The following PARD3 variants were observed in gnomAD, a reference collection of about 807,000 sequenced individuals.
PARD3 encodes the protein par-3 family cell polarity regulator.
Under a neutral mutation model 155.4 loss-of-function variants are expected in PARD3, and 75 were observed. The ratio of observed to expected loss-of-function variants is 0.48; its 90% confidence interval spans 0.40 to 0.58. The LOEUF (loss-of-function observed/expected upper bound fraction) is 0.58, where lower values mean the gene tolerates loss of function less well. PARD3 is among the 20% of genes least tolerant of loss of function. The pLI, the probability that PARD3 is intolerant of heterozygous loss-of-function variation, is 0.00. For synonymous variants in PARD3, 576 were observed against 610.5 expected (o/e 0.94, Z 0.83); for missense variants, 1,642 against 1,721.7 (o/e 0.95, Z 0.82).
chr10:34,454,220 A>G (rs979343637), intron 4 of PARD3, among the ~76,000 whole-genome samples: 15 of 152,110 alleles, frequency 9.9e-5, no homozygotes, highest in African/African-American at 3.4e-4. Flanking sequence ...AATCTAGTTC[A>G]CCGTCTACTG....
intron 3 of PARD3, among the ~76,000 whole-genome samples, chr10:34,499,519 C>T (rs1031347390): frequency 6.7e-6 from 1 of 149,932 alleles, no homozygotes; most frequent in African/African-American, 2.5e-5. Context: ...TTGCATCCAG[C>T]GGAAAATAGT....
intron 24 of PARD3, among the ~76,000 whole-genome samples, chr10:34,117,382 C>T (rs978630645): frequency 6.6e-5 from 10 of 152,134 alleles, no homozygotes; most frequent in Non-Finnish European, 7.4e-5. Context: ...TGGGCCAATT[C>T]GTCCACACTG....
intron 1 of PARD3, among the ~76,000 whole-genome samples, chr10:34,793,743 G>A (rs968612065): frequency 5.3e-5 from 8 of 150,612 alleles, no homozygotes; most frequent in East Asian, 2.0e-4. Flanking sequence ...CCAAGACTGC[G>A]CCATTGCCTG....
intron 2 of PARD3, among the ~76,000 whole-genome samples, chr10:34,616,188 A>G (rs1353736692): frequency 6.6e-6 from 1 of 152,076 alleles, no homozygotes; most frequent in African/African-American, 2.4e-5. Context: ...ATGGTAGCAC[A>G]TACCTGTACT....
At chr10:34,333,143 ATGTG>A (rs892084105) in intron 18 of PARD3, among the ~76,000 whole-genome samples, 1 of 152,080 alleles carries the variant, frequency 6.6e-6, no homozygotes, top group African/African-American at 2.4e-5. Context: ...GGATATGTGT[ATGTG>A]TGTATGTATT....
At chr10:34,657,436 CCAT>C (rs2093202723) in intron 2 of PARD3, among the ~76,000 whole-genome samples, 1 of 152,118 alleles carries the variant, frequency 6.6e-6, no homozygotes, top group African/African-American at 2.4e-5. Context: ...CACCTGATAA[CCAT>C]TTATTCTCAT....
chr10:34,399,793 G>A (rs938156524), intron 6 of PARD3, among the ~76,000 whole-genome samples: 2 of 152,138 alleles, frequency 1.3e-5, no homozygotes, highest in African/African-American at 4.8e-5. Flanking sequence ...CAACACTCAC[G>A]TCAAGGACTC....
chr10:34,571,884 GAA>G (rs1564365187), intron 2 of PARD3, among the ~76,000 whole-genome samples: 1 of 151,894 alleles, frequency 6.6e-6, no homozygotes, highest in Non-Finnish European at 1.5e-5. Context: ...TTTGTTTTTT[GAA>G]AAAAGTTACC....
At chr10:34,300,318 T>C (rs1164880611) in intron 20 of PARD3, among the ~76,000 whole-genome samples, 1 of 152,192 alleles carries the variant, frequency 6.6e-6, no homozygotes, top group Non-Finnish European at 1.5e-5. Flanking sequence ...TTATGTGTTA[T>C]AATGGTTAAA....
intron 22 of PARD3, among the ~76,000 whole-genome samples, chr10:34,165,393 T>C (rs1949482382): frequency 6.6e-6 from 1 of 152,192 alleles, no homozygotes; most frequent in Admixed American, 6.5e-5. Context: ...TGCCAGAACA[T>C]TCTTATATTA....
intron 22 of PARD3, among the ~76,000 whole-genome samples, chr10:34,260,720 T>C (rs1346429794): frequency 2.0e-5 from 3 of 152,172 alleles, no homozygotes; most frequent in Admixed American, 1.3e-4. Context: ...AGAATTACTT[T>C]CTCACATTTC....
At chr10:34,164,309 G>A (rs535535024) in intron 22 of PARD3, among the ~76,000 whole-genome samples, 2 of 152,292 alleles carry the variant, frequency 1.3e-5, no homozygotes, top group East Asian at 3.9e-4. Context: ...ACTGAAGCAT[G>A]TGCACCATGT....
intron 22 of PARD3, among the ~76,000 whole-genome samples, chr10:34,141,976 A>ATCCT (rs780349196): frequency 8.5e-4 from 130 of 152,330 alleles, no homozygotes; most frequent in Non-Finnish European, 1.6e-3. Context: ...TTTAAAAATT[A>ATCCT]TCATTGTCAA....
intron 2 of PARD3, among the ~76,000 whole-genome samples, chr10:34,520,543 A>G (rs529153432): frequency 8.1e-4 from 123 of 152,338 alleles, no homozygotes; most frequent in African/African-American, 2.8e-3. Context: ...AGAGACACAG[A>G]CATTCCACTA....
intron 22 of PARD3, among the ~76,000 whole-genome samples, chr10:34,253,993 T>C (rs2133757181): frequency 6.6e-6 from 1 of 152,192 alleles, no homozygotes; most frequent in Non-Finnish European, 1.5e-5. Context: ...CGCACATTGC[T>C]CCAGTGATGG....
At chr10:34,493,741 A>T (rs1279615337) in intron 3 of PARD3, among the ~76,000 whole-genome samples, 1 of 152,086 alleles carries the variant, frequency 6.6e-6, no homozygotes, top group East Asian at 1.9e-4. Context: ...TCAAAAAAAA[A>T]AGAAAAAAAA....
At chr10:34,150,594 G>T (rs11595985) in intron 22 of PARD3, among the ~76,000 whole-genome samples, 1 of 151,984 alleles carries the variant, frequency 6.6e-6, no homozygotes, top group African/African-American at 2.4e-5. Context: ...GTGACGTGCC[G>T]GACTCTGCCG....
intron 2 of PARD3, among the ~76,000 whole-genome samples, chr10:34,670,593 G>A (rs976874973): frequency 6.6e-6 from 1 of 152,200 alleles, no homozygotes; most frequent in Non-Finnish European, 1.5e-5. Flanking sequence ...CTGATTCAGC[G>A]AGTCCTGAGT....
intron 1 of PARD3, among the ~76,000 whole-genome samples, chr10:34,781,122 C>A (rs988056862): frequency 2.0e-5 from 3 of 152,226 alleles, no homozygotes; most frequent in Admixed American, 6.5e-5. Context: ...CACCCCTCCC[C>A]CCTCTAGCCT....
Sources: gnomAD v4.1 joint callset for allele counts (sites outside exome capture counted in the v4.1 genomes callset) on GRCh38, gnomAD v4.1.1 for gene constraint, MANE v1.5 for transcripts, NCBI Gene and HGNC (gene_info 2026-07-23, HGNC 2026-07-21) for gene names.